Variants in TNRC6C observed in about 807,000 individuals in gnomAD.
TNRC6C encodes the protein trinucleotide repeat containing adaptor 6C, also known as trinucleotide repeat-containing gene 6C protein.
TNRC6C carries 20 observed loss-of-function variants against 153.7 expected under a neutral mutation model. The ratio of observed to expected loss-of-function variants is 0.13; its 90% CI spans 0.09 to 0.19. The LOEUF (loss-of-function observed/expected upper bound fraction) is 0.19, where lower values mean the gene tolerates loss of function less well. Ranked by LOEUF, TNRC6C falls within the 10% of genes least tolerant of loss-of-function variation. The pLI is 1.00. For synonymous variants in TNRC6C, 811 were observed against 841.4 expected, an observed-to-expected ratio of 0.96 and a Z score of 0.63; for missense variants, 1,987 against 2,172.0, an observed-to-expected ratio of 0.91 and a Z score of 1.69.
intron 5 of TNRC6C, among the ~76,000 whole-genome samples, chr17:78,069,282 G>T (rs2072943976): frequency 6.6e-6 from 1 of 152,114 alleles, no homozygotes; most frequent in Admixed American, 6.5e-5. Flanking sequence ...CCACAGAGAA[G>T]GAGCACCAGT....
At chr17:77,992,006 T>C (rs1041563861) in intron 1 of TNRC6C, among the ~76,000 whole-genome samples, 3 of 152,192 alleles carry the variant, frequency 2.0e-5, no homozygotes, top group African/African-American at 7.2e-5. Flanking sequence ...GATACCTGTC[T>C]CAACAAGATC....
Position 78,100,361 on chromosome 17 carries a change from G to A in TNRC6C, c.4501+1824G>A, listed in dbSNP as rs527855216. 3.0e-4 allele frequency among the ~76,000 whole-genome samples: 45 copies of A among 152,304 alleles called. 1 individual carries two copies. Among genetic ancestry groups the A allele is most frequent in the Middle Eastern group, 3.4e-3 (1 of 294 alleles). On this transcript the variant is annotated intron_variant, in intron 17 of 19. Transcript: ENST00000301624. ...ATTGTCTGAACATCCAGGCATTTCC[G>A]TATATCCTCTGAAATCTAGGTGGAG... is the stretch of plus-strand genomic sequence containing the variant.
intron 2 of TNRC6C, 23 bp downstream of exon 4, chr17:78,031,865 C>T (rs2072081915): frequency 8.1e-7 from 1 of 1,232,034 alleles, no homozygotes; most frequent in Non-Finnish European, 1.0e-6. Flanking sequence ...TAGGATGAGA[C>T]ATTGTTTTGA....
chr17:78,028,097 A>G (rs539717771), intron 1 of TNRC6C, among the ~76,000 whole-genome samples: 101 of 152,098 alleles, frequency 6.6e-4, no homozygotes, highest in Admixed American at 4.1e-3. Flanking sequence ...ACAGGGTTTC[A>G]CCGTGTTAGT....
intron 18 of TNRC6C, among the ~76,000 whole-genome samples, chr17:78,103,165 A>G (rs2144669482): frequency 6.6e-6 from 1 of 152,346 alleles, no homozygotes; most frequent in South Asian, 2.1e-4. Context: ...AGAATTCAAA[A>G]TGGGGTTTTT....
intron 1 of TNRC6C, among the ~76,000 whole-genome samples, chr17:77,967,935 C>G (rs2070910858): frequency 6.6e-6 from 1 of 152,182 alleles, no homozygotes; most frequent in African/African-American, 2.4e-5. Context: ...TGTCAGTATT[C>G]TTTTTCTTGA....
intron 1 of TNRC6C, among the ~76,000 whole-genome samples, chr17:78,029,674 T>C (rs916803674): frequency 1.3e-5 from 2 of 152,232 alleles, no homozygotes; most frequent in African/African-American, 4.8e-5. Flanking sequence ...TTTCACTCTT[T>C]CATAATAACA....
chr17:78,060,812 G>A (rs533070054), intron 3 of TNRC6C, among the ~76,000 whole-genome samples: 1 of 152,320 alleles, frequency 6.6e-6, no homozygotes, highest in South Asian at 2.1e-4. Flanking sequence ...AGTGGCATCT[G>A]TGGAACAAGC....
At chr17:78,023,827 T>C (rs910903060) in intron 1 of TNRC6C, among the ~76,000 whole-genome samples, 5 of 146,948 alleles carry the variant, frequency 3.4e-5, no homozygotes, top group African/African-American at 1.3e-4. Context: ...CAAAAAAGCC[T>C]GGCCGGGCAC....
rs181950230 is a variant in TNRC6C at position 78,017,030 on chromosome 17, A to G, written c.-546+11951A>G. ...TAGCTACTGCACTCCCTCTCAGGAG[A>G]AGTGTATGGAACTGATAAACCCCCA... On this transcript the variant is annotated intron_variant, in intron 1 of 19. Transcript: ENST00000301624. Among the ~76,000 whole-genome samples, 278 of 152,198 alleles carry G rather than the reference A, an allele frequency of 1.8e-3. 2 individuals carry two copies. In the East Asian group the frequency reaches 0.022, roughly 12 times the overall value.
intron 3 of TNRC6C, among the ~76,000 whole-genome samples, chr17:78,062,958 T>C (rs77376829): frequency 8.5e-5 from 13 of 152,228 alleles, no homozygotes; most frequent in Non-Finnish European, 1.8e-4. Context: ...TTAAGAAAAT[T>C]GTAAAGACTG....
chr17:78,049,470 T>A lies in TNRC6C; in HGVS notation c.408T>A (p.Asn136Lys), dbSNP rs971037819. Residue 136 changes from asparagine to lysine, a missense_variant, in exon 3 of 20, where the codon AAT becomes AAA. Physicochemically the swap from Asn to Lys is moderately conservative, Grantham distance 94. This residue lies in a region of TNRC6C where 1,052 missense variants were observed against 1,017.0 expected (regional missense o/e 1.03). Coordinates refer to ENST00000301624, the Ensembl canonical transcript of TNRC6C. This position sits in a 1 kb window ranked among gnomAD's most constrained non-coding sequence, Gnocchi z 4.1. ...GTCCAGTCAGTGCCATAGGTCAAAA[T>A]ATGGGCAACCAGAACGGGAACCCAA... The A allele has an allele frequency of 6.2e-7, 1 of 1,613,854 alleles. No homozygotes were observed. The highest frequency in any genetic ancestry group is 1.3e-5 in the African/African-American group (1 of 74,902).
exon 2 of TNRC6C, chr17:78,031,684 G>T: frequency 8.1e-7 from 1 of 1,232,274 alleles, no homozygotes; most frequent in Non-Finnish European, 1.0e-6. Context: ...CCACGCTTCC[G>T]CCAGCAAGAA....
rs183023945 is a variant in TNRC6C, at chr17:77,983,405, G to T, written c.-37-20765G>T. Reference sequence around the variant, plus strand: ...TTAATTCTGATTACCAAGGCAAAATGGGGTAATGCTATACAATGGGGGCAG... The same window carrying T: ...TTAATTCTGATTACCAAGGCAAAATTGGGTAATGCTATACAATGGGGGCAG... On this transcript the variant is annotated intron_variant, in intron 1 of 22. Coordinates refer to the TNRC6C transcript ENST00000636222. Among the ~76,000 whole-genome samples the T allele has an allele frequency of 1.6e-3, 244 of 152,288 alleles. 3 individuals are homozygous for T. Among genetic ancestry groups the T allele is most frequent in the African/African-American group, 5.7e-3 (237 of 41,558 alleles).
intron 16 of TNRC6C, among the ~76,000 whole-genome samples, chr17:78,096,045 C>T (rs549097971): frequency 2.0e-5 from 3 of 152,086 alleles, no homozygotes; most frequent in Non-Finnish European, 2.9e-5. Context: ...AGCAAGACTT[C>T]GTCTCAAAAA....
intron 11 of TNRC6C, among the ~76,000 whole-genome samples, chr17:78,084,073 CAGG>C (rs779166062): frequency 6.6e-6 from 1 of 152,112 alleles, no homozygotes; most frequent in Non-Finnish European, 1.5e-5. Context: ...CACCTGAGGT[CAGG>C]AGTTCGAGAT....
At chr17:78,030,077 C>G (rs150067482) in intron 1 of TNRC6C, among the ~76,000 whole-genome samples, 3 of 152,078 alleles carry the variant, frequency 2.0e-5, no homozygotes, top group African/African-American at 7.2e-5. Flanking sequence ...ATACATAAAC[C>G]AGTAATATAG....
intron 2 of TNRC6C, among the ~76,000 whole-genome samples, chr17:78,048,639 T>C (rs979454165): frequency 5.9e-5 from 9 of 152,246 alleles, no homozygotes; most frequent in African/African-American, 2.2e-4. Flanking sequence ...GTGGTAAGAA[T>C]TGATATAATT....
intron 8 of TNRC6C, among the ~76,000 whole-genome samples, chr17:78,076,697 G>GT (rs1347108294): frequency 1.3e-5 from 2 of 152,034 alleles, no homozygotes; most frequent in Non-Finnish European, 2.9e-5. Context: ...CTCAGTAGAT[G>GT]TTAAAAAAAA....
Sources: allele counts gnomAD v4.1 joint callset (sites outside exome capture counted in the v4.1 genomes callset), GRCh38; gene constraint gnomAD v4.1.1; regional missense constraint gnomAD v4.1.1; non-coding constraint Gnocchi (gnomAD v3.1); transcripts MANE v1.5; gene names NCBI Gene and HGNC (gene_info 2026-07-23, HGNC 2026-07-21).